Variants in POP1 observed in about 807,000 individuals in gnomAD.
The protein encoded by POP1 is ribonucleases P/MRP protein subunit POP1.
In POP1, 75 loss-of-function variants were observed where a neutral mutation model predicts 102.2. That is an observed-to-expected ratio of 0.73 (90% CI 0.61 to 0.89). POP1 has a LOEUF of 0.89. POP1 is among the 40% of genes least tolerant of loss of function. The probability of loss-of-function intolerance (pLI) is 0.00; values close to 1 mark genes in which losing one functional copy is unlikely to be tolerated. For missense variants in POP1, 1,116 were observed against 1,267.4 expected (o/e 0.88, Z 1.81); for synonymous variants, 436 against 464.1 (o/e 0.94, Z 0.78).
chr8:98,155,909 TTGTGTG>T lies in POP1; in HGVS notation c.2058-99_2058-94del, dbSNP rs58936294. The T allele has an allele frequency of 0.11, 59,230 of 517,712 alleles. 1,443 individuals are homozygous for T. Among genetic ancestry groups the T allele is most frequent in the East Asian group, 0.18 (4,069 of 22,726 alleles). 32.1% of individuals were successfully genotyped at this position (517,712 alleles called of 1,614,324 possible). ...TTATCATATGTTTCTTGGAAAGCTTTTGTGTGTGTGTGTGTGTGTGTGTGTGTGTGT... is the reference window on the plus strand; with the variant it reads ...TTATCATATGTTTCTTGGAAAGCTTTTGTGTGTGTGTGTGTGTGTGTGTGT... On this transcript the variant is annotated intron_variant, in intron 14 of 15. Transcript: ENST00000401707.
chr8:98,131,670 T>A (rs574609158), intron 5 of POP1, among the ~76,000 whole-genome samples: 1 of 152,226 alleles, frequency 6.6e-6, no homozygotes, highest in African/African-American at 2.4e-5. Flanking sequence ...TTATGTTTAA[T>A]TTTTTGAGGT....
intron 12 of POP1, among the ~76,000 whole-genome samples, chr8:98,148,095 C>T (rs890676126): frequency 2.6e-5 from 4 of 152,056 alleles, no homozygotes; most frequent in South Asian, 2.1e-4. Context: ...GTTTTGATCC[C>T]GGGAGGAAAA....
chr8:98,133,798 A>C, intron 5 of POP1, 151 bp from the exon 6 acceptor site: 1 of 701,868 alleles, frequency 1.4e-6, no homozygotes, highest in Non-Finnish European at 2.6e-6. Flanking sequence ...CGGGCAGGAG[A>C]AGGTTTAGAT....
At chr8:98,155,875 T>G in intron 14 of POP1, 175 bp from the exon 15 acceptor site, 1 of 739,672 alleles carries the variant, frequency 1.4e-6, no homozygotes, top group Non-Finnish European at 2.2e-6. Context: ...GAGCCCAGCC[T>G]ATTATTCTTT....
intron 2 of POP1, among the ~76,000 whole-genome samples, chr8:98,124,537 G>T (rs1419146474): frequency 6.6e-6 from 1 of 151,892 alleles, no homozygotes; most frequent in Non-Finnish European, 1.5e-5. Flanking sequence ...CTCCAGCCTG[G>T]GTGACAGTGA....
chr8:98,120,900 C>G (rs974638655), intron 1 of POP1, among the ~76,000 whole-genome samples: 2 of 152,178 alleles, frequency 1.3e-5, no homozygotes, highest in Non-Finnish European at 2.9e-5. Context: ...TCTGCCTCGG[C>G]CTTCCAAAGT....
chr8:98,150,760 C>A, intron 14 of POP1, 121 bp downstream of exon 14: 2 of 922,938 alleles, frequency 2.2e-6, no homozygotes, highest in Non-Finnish European at 3.3e-6. Context: ...GTGAGTTCAG[C>A]ATTACTGAGA....
intron 9 of POP1, among the ~76,000 whole-genome samples, chr8:98,137,851 C>G (rs1816591877): frequency 6.6e-6 from 1 of 152,124 alleles, no homozygotes; most frequent in African/African-American, 2.4e-5. Flanking sequence ...AGCATAGAGA[C>G]TAGATTAGGA....
intron 5 of POP1, among the ~76,000 whole-genome samples, chr8:98,131,367 G>A (rs1816376334): frequency 6.6e-6 from 1 of 152,158 alleles, no homozygotes; most frequent in Admixed American, 6.5e-5. Flanking sequence ...GTCTTTTTGT[G>A]ACTGGCTTAT....
At chr8:98,120,725 G>T (rs6985147) in intron 1 of POP1, among the ~76,000 whole-genome samples, 2 of 150,100 alleles carry the variant, frequency 1.3e-5, no homozygotes, top group African/African-American at 4.9e-5. Context: ...CGGCTCACTG[G>T]AAGCTCCGCC....
Position 98,136,552 on chromosome 8 carries a change from A to T in POP1, c.1082A>T (p.Asp361Val). The T allele has an allele frequency of 6.2e-7, 1 of 1,614,106 alleles. No individual in the cohort carries two copies. Among genetic ancestry groups the T allele is most frequent in the Non-Finnish European group, 8.5e-7 (1 of 1,179,984 alleles). The change falls in exon 8 of 16, where the codon GAC (aspartate) becomes GTC (valine). Residue 361 changes from aspartate to valine, a missense_variant. By Grantham distance (152) the Asp-to-Val change is radical. Coordinates refer to ENST00000401707, the MANE Select transcript of POP1 (RefSeq NM_001145860.2). ...EPIKSAVCIA[D>V]PLPTPSQEKS... ...ATCAAATCAGCTGTCTGCATCGCTG[A>T]CCCACTTCCAACACCATCCCAAGAA...
At chr8:98,133,799 A>G in intron 5 of POP1, 150 bp from the exon 6 acceptor site, 7 of 704,396 alleles carry the variant, frequency 9.9e-6, no homozygotes, top group African/African-American at 1.8e-5. Flanking sequence ...GGGCAGGAGA[A>G]GGTTTAGATT....
Position 98,148,936 on chromosome 8 carries a change from G to A in POP1, c.1832G>A (p.Arg611Gln), listed in dbSNP as rs762693840. The A allele has an allele frequency of 1.2e-6, 2 of 1,613,814 alleles. No homozygotes were observed. The highest frequency in any genetic ancestry group is 1.7e-6 in the Non-Finnish European group (2 of 1,179,852). The change falls in exon 13 of 16, where the codon CGA becomes CAA. Residue 611 changes from arginine (R) to glutamine (Q), a missense_variant. Physicochemically the swap from Arg to Gln is conservative, Grantham distance 43. Transcript: ENST00000401707. ...CCAGGAAAAGTGACTGGTGAAGATC[G>A]ACTAGGCTGGGGAAGTGGCTGGGAT... is the stretch of plus-strand genomic sequence containing the variant. ...QQPGKVTGEDRLGWGSGWDVL... is the reference protein window; with the variant it reads ...QQPGKVTGEDQLGWGSGWDVL...
Position 98,130,051 on chromosome 8 carries a change from A to G in POP1, c.560A>G (p.Asn187Ser). 1 of 1,614,210 alleles carries G rather than the reference A, an allele frequency of 6.2e-7. No individual in the cohort carries two copies. The highest frequency in any genetic ancestry group is 1.1e-5 in the South Asian group (1 of 91,084). The change falls in exon 5 of 16, where the codon AAC (asparagine) becomes AGC (serine). Residue 187 changes from asparagine to serine, a missense_variant. Asn to Ser is a conservative substitution (Grantham distance 46). Coordinates refer to ENST00000401707, the MANE Select transcript of POP1 (RefSeq NM_001145860.2). ...KCHKARRCHM[N>S]RTLEFNRRQK... ...CATAAAGCTCGAAGATGTCACATGAACCGGACGCTAGAATTTAACCGTAGA... is the reference window on the plus strand; with the variant it reads ...CATAAAGCTCGAAGATGTCACATGAGCCGGACGCTAGAATTTAACCGTAGA...
intron 5 of POP1, among the ~76,000 whole-genome samples, chr8:98,132,455 G>T (rs1046293532): frequency 3.9e-5 from 6 of 152,188 alleles, no homozygotes; most frequent in African/African-American, 1.4e-4. Context: ...ATTTCTTTGT[G>T]TGAGTGATCA....
chr8:98,138,841 T>C (rs1816623970), intron 9 of POP1, among the ~76,000 whole-genome samples: 1 of 150,186 alleles, frequency 6.7e-6, no homozygotes, highest in Non-Finnish European at 1.5e-5. Flanking sequence ...ACCTTTGTTA[T>C]GATTGCTTTT....
At chr8:98,156,020 A>G in intron 14 of POP1, 30 bp from the exon 15 acceptor site, 1 of 1,611,672 alleles carries the variant, frequency 6.2e-7, no homozygotes, top group Non-Finnish European at 8.5e-7. Context: ...AAATTGTTCA[A>G]CATTGGTTCT....
chr8:98,128,553 C>T lies in POP1; in HGVS notation c.486+13C>T, dbSNP rs768897731. Reference sequence around the variant, plus strand: ...TGCCCAGAAAGAGGTAGGAGTTCCACTTAGTGTAAATGTTTAGATTAGTAG... The same window carrying T: ...TGCCCAGAAAGAGGTAGGAGTTCCATTTAGTGTAAATGTTTAGATTAGTAG... On this transcript the variant is annotated intron_variant, in intron 4 of 15. Transcript: ENST00000401707. 8.7e-6 allele frequency: 14 copies of T among 1,612,930 alleles called. No homozygotes were observed. The highest frequency in any genetic ancestry group is 1.2e-5 in the Non-Finnish European group (14 of 1,179,158).
In POP1 at chr8:98,158,253, G is replaced by T; in HGVS notation, c.3057G>T (p.Arg1019Ser). The T allele has an allele frequency of 6.2e-7, 1 of 1,610,188 alleles. No individual in the cohort carries two copies. The highest frequency in any genetic ancestry group is 1.1e-5 in the South Asian group (1 of 91,042). The change falls in exon 16 of 16, where the codon AGG becomes AGT. Residue 1019 changes from arginine (R) to serine (S), a missense_variant. Coordinates refer to ENST00000401707, the MANE Select transcript of POP1 (RefSeq NM_001145860.2). ...PPASLQYRFA[R>S]IAIEV ...CCTCTCTGCAGTATCGATTTGCGAG[G>T]ATTGCTATTGAGGTGTGAATGCGTG...
Sources: allele counts gnomAD v4.1 joint callset (sites outside exome capture counted in the v4.1 genomes callset), GRCh38; gene constraint gnomAD v4.1.1; transcripts MANE v1.5; gene names NCBI Gene and HGNC (gene_info 2026-07-23, HGNC 2026-07-21).